Variants in CALN1 observed in about 807,000 individuals in gnomAD.
CALN1 encodes the protein calneuron 1.
CALN1 carries 17 observed loss-of-function variants against 30.6 expected under a neutral mutation model. That is an observed-to-expected ratio of 0.56 (90% CI 0.38 to 0.83). CALN1 has a LOEUF of 0.83. CALN1 is among the 40% of genes least tolerant of loss of function. The pLI is 0.00. For missense variants in CALN1, 291 were observed against 354.9 expected (o/e 0.82, Z 1.45); for synonymous variants, 156 against 131.4 (o/e 1.19, Z -1.28).
intron 6 of CALN1, among the ~76,000 whole-genome samples, chr7:71,792,778 G>A (rs1786648364): frequency 6.6e-6 from 1 of 152,070 alleles, no homozygotes; most frequent in Non-Finnish European, 1.5e-5. Flanking sequence ...TCCATCTTGA[G>A]GGCCTGCGAA....
chr7:71,881,713 C>A (rs1206007784), intron 5 of CALN1, among the ~76,000 whole-genome samples: 1 of 152,034 alleles, frequency 6.6e-6, no homozygotes, highest in Non-Finnish European at 1.5e-5. Flanking sequence ...TATCAGGGTC[C>A]CAGTGCTGCT....
chr7:72,065,672 T>C (rs1419465803), intron 4 of CALN1, among the ~76,000 whole-genome samples: 2 of 152,066 alleles, frequency 1.3e-5, no homozygotes, highest in Non-Finnish European at 2.9e-5. Flanking sequence ...GCTTCATCTG[T>C]GTGGAAGTCA....
chr7:72,346,949 A>G (rs1243395112), intron 2 of CALN1, among the ~76,000 whole-genome samples: 2 of 152,254 alleles, frequency 1.3e-5, no homozygotes, highest in Non-Finnish European at 2.9e-5. Flanking sequence ...TAAAGAGGTC[A>G]GTAAAAAATA....
intron 1 of CALN1, among the ~76,000 whole-genome samples, chr7:72,420,019 G>A (rs1359389234): frequency 6.6e-6 from 1 of 152,146 alleles, no homozygotes; most frequent in Non-Finnish European, 1.5e-5. Flanking sequence ...GAACTCGGGT[G>A]TCAAAAAGGA....
At chr7:71,968,475 G>C (rs1202516986) in intron 5 of CALN1, among the ~76,000 whole-genome samples, 1 of 152,026 alleles carries the variant, frequency 6.6e-6, no homozygotes, top group Non-Finnish European at 1.5e-5. Context: ...CTGTCTCCCA[G>C]GCTGGAGTGC....
chr7:71,812,920 C>T (rs1788039899), intron 5 of CALN1, among the ~76,000 whole-genome samples: 1 of 97,888 alleles, frequency 1.0e-5, no homozygotes, highest in Non-Finnish European at 2.4e-5. Flanking sequence ...TTTTATTTAT[C>T]ATCATCATCA....
chr7:72,457,964 C>T, the CALN1 span, among the ~76,000 whole-genome samples: 8 of 150,522 alleles, frequency 5.3e-5, no homozygotes, highest in East Asian at 2.0e-4. Flanking sequence ...TCATGTTGCC[C>T]GGGCTGGTCT....
At chr7:71,828,689 T>C (rs2116390518) in intron 5 of CALN1, among the ~76,000 whole-genome samples, 1 of 143,584 alleles carries the variant, frequency 7.0e-6, no homozygotes, top group South Asian at 2.1e-4. Context: ...ATACATAAGA[T>C]ATATACATAT....
At chr7:72,386,754 G>A (rs1298141983) in intron 2 of CALN1, among the ~76,000 whole-genome samples, 1 of 152,046 alleles carries the variant, frequency 6.6e-6, no homozygotes, top group Non-Finnish European at 1.5e-5. Context: ...TCCTACCTCA[G>A]CATTCTGAGT....
chr7:72,337,676 A>T (rs894083063), intron 2 of CALN1: 11 of 152,556 alleles, frequency 7.2e-5, no homozygotes, highest in African/African-American at 2.6e-4. Flanking sequence ...GGGGCGCCGA[A>T]GTGGAGGGGC....
chr7:71,816,771 T>A (rs1788288177), intron 5 of CALN1, among the ~76,000 whole-genome samples: 1 of 152,054 alleles, frequency 6.6e-6, no homozygotes, highest in Non-Finnish European at 1.5e-5. Flanking sequence ...AGTTCGAGAC[T>A]AGCCTGACCA....
intron 1 of CALN1, among the ~76,000 whole-genome samples, chr7:72,438,133 C>T (rs753301779): frequency 5.5e-4 from 83 of 152,082 alleles, no homozygotes; most frequent in Admixed American, 1.4e-3. Context: ...GCCACCACAC[C>T]CAGCTAATTC....
intron 2 of CALN1, among the ~76,000 whole-genome samples, chr7:72,303,465 G>C (rs1292702259): frequency 6.6e-6 from 1 of 151,458 alleles, no homozygotes; most frequent in Non-Finnish European, 1.5e-5. Context: ...GCTGAGACAG[G>C]ACAATCCCTT....
chr7:72,253,497 A>C (rs1795702404), intron 3 of CALN1, among the ~76,000 whole-genome samples: 1 of 152,258 alleles, frequency 6.6e-6, no homozygotes, highest in Admixed American at 6.5e-5. Flanking sequence ...CAGAAAACTT[A>C]CAATCATGGC....
chr7:71,987,308 A>G (rs2129527571), intron 5 of CALN1, among the ~76,000 whole-genome samples: 1 of 152,320 alleles, frequency 6.6e-6, no homozygotes, highest in African/African-American at 2.4e-5. Flanking sequence ...AACACGAGGA[A>G]CCACTGGCTT....
At chr7:71,826,912 T>C (rs150025814) in intron 5 of CALN1, among the ~76,000 whole-genome samples, 66 of 152,310 alleles carry the variant, frequency 4.3e-4, no homozygotes, top group African/African-American at 1.5e-3. Context: ...TAGGTTGCTA[T>C]GGTGCCTGGA....
At chr7:71,973,936 T>G (rs1797974754) in intron 5 of CALN1, among the ~76,000 whole-genome samples, 1 of 152,182 alleles carries the variant, frequency 6.6e-6, no homozygotes, top group Non-Finnish European at 1.5e-5. Flanking sequence ...TAGTTTCAAT[T>G]ACCTTCGATA....
At chr7:72,168,806 T>A (rs1318695112) in intron 3 of CALN1, among the ~76,000 whole-genome samples, 11 of 88,922 alleles carry the variant, frequency 1.2e-4, no homozygotes, top group Non-Finnish European at 2.4e-4. Context: ...ATTATTATTA[T>A]TTTTTTTTTT....
At chr7:72,396,227 G>T (rs1805928376) in intron 2 of CALN1, among the ~76,000 whole-genome samples, 1 of 58,426 alleles carries the variant, frequency 1.7e-5, no homozygotes, top group Non-Finnish European at 3.0e-5. Context: ...TGAAACTCTT[G>T]TCTCTACTAA....
Sources: gnomAD v4.1 joint callset for allele counts (sites outside exome capture counted in the v4.1 genomes callset) on GRCh38, gnomAD v4.1.1 for gene constraint, MANE v1.5 for transcripts, NCBI Gene and HGNC (gene_info 2026-07-23, HGNC 2026-07-21) for gene names.